The following CSNK1G3 variants were observed in gnomAD, a reference collection of about 807,000 sequenced individuals.
CSNK1G3 encodes casein kinase 1 gamma 3.
A neutral mutation model predicts 64.3 loss-of-function variants in CSNK1G3; 23 were observed. The ratio of observed to expected loss-of-function variants is 0.36; its 90% confidence interval spans 0.26 to 0.51. The LOEUF (loss-of-function observed/expected upper bound fraction) is 0.51. CSNK1G3 is among the 20% of genes least tolerant of loss of function. The pLI is 0.96. For missense variants in CSNK1G3, 357 were observed against 510.5 expected (o/e 0.70, Z 2.90); for synonymous variants, 158 against 162.2 (o/e 0.97, Z 0.20).
intron 1 of CSNK1G3, among the ~76,000 whole-genome samples, chr5:123,516,707 A>C (rs1004824750): frequency 1.3e-5 from 2 of 152,200 alleles, no homozygotes; most frequent in Admixed American, 6.5e-5. Flanking sequence ...AATTTATTGA[A>C]AATTTATGAG....
rs138208754 is a variant in CSNK1G3, at chr5:123,587,384, AAT to A, written c.674-681_674-680del. 1.9e-3 allele frequency among the ~76,000 whole-genome samples: 285 copies of A among 152,330 alleles called. 1 individual carries two copies. The highest frequency in any genetic ancestry group is 2.6e-3 in the Non-Finnish European group (174 of 68,026). ...TTAACTTCAGTGACAGAAAAATTGAAATATCATTCAGTCAGCAAGTATTTATA... is the reference window on the plus strand; with the variant it reads ...TTAACTTCAGTGACAGAAAAATTGAAATCATTCAGTCAGCAAGTATTTATA... On this transcript the variant is annotated intron_variant, in intron 6 of 12. Coordinates refer to ENST00000345990, the Ensembl canonical transcript of CSNK1G3.
chr5:123,550,114 TAAA>T (rs1362230768), intron 2 of CSNK1G3, among the ~76,000 whole-genome samples: 4 of 152,184 alleles, frequency 2.6e-5, no homozygotes, highest in African/African-American at 9.7e-5. Flanking sequence ...GAAGCTATTA[TAAA>T]ACTTACCTGA....
intron 1 of CSNK1G3, among the ~76,000 whole-genome samples, chr5:123,517,921 T>G (rs1388419397): frequency 7.0e-6 from 1 of 142,884 alleles, no homozygotes; most frequent in Non-Finnish European, 1.5e-5. Context: ...TTTAATAACA[T>G]CCTCTTTAAG....
intron 4 of CSNK1G3, among the ~76,000 whole-genome samples, chr5:123,570,250 A>C (rs952808992): frequency 2.0e-5 from 3 of 152,076 alleles, no homozygotes; most frequent in Admixed American, 2.0e-4. Flanking sequence ...ACATACTGCT[A>C]TCTATCTTAT....
At chr5:123,566,564 A>G (rs1356355563) in intron 4 of CSNK1G3, among the ~76,000 whole-genome samples, 8 of 152,002 alleles carry the variant, frequency 5.3e-5, no homozygotes, top group Admixed American at 5.2e-4. Flanking sequence ...GACCTAACCT[A>G]CCATTTACGT....
chr5:123,557,404 A>C, intron 3 of CSNK1G3, 91 bp from the exon 4 acceptor site: 1 of 802,148 alleles, frequency 1.2e-6, no homozygotes, highest in South Asian at 1.6e-5. Context: ...TACATAATAT[A>C]GGCATTGACA....
rs1360887530 is a variant in CSNK1G3 at position 123,540,658 on chromosome 5, T to A, written c.-247-4759T>A. On this transcript the variant is annotated intron_variant, in intron 1 of 12. Coordinates refer to ENST00000345990, the Ensembl canonical transcript of CSNK1G3. ...ATTATTTTTTATTTTTTTGAGACAG[T>A]GTCTTGCTCTGCTGCCCAGGCTGCA... 3.3e-5 allele frequency among the ~76,000 whole-genome samples: 5 copies of A among 152,262 alleles called. No homozygotes were observed. The East Asian group carries it at 7.7e-4, about 23-fold the overall frequency.
At chr5:123,572,515 G>T (rs572055608) in intron 4 of CSNK1G3, among the ~76,000 whole-genome samples, 1 of 152,250 alleles carries the variant, frequency 6.6e-6, no homozygotes, top group South Asian at 2.1e-4. Context: ...TGGCTTTGCT[G>T]GGTCTTCTGT....
intron 2 of CSNK1G3, among the ~76,000 whole-genome samples, chr5:123,549,259 ATAGC>A (rs1783178034): frequency 6.6e-6 from 1 of 152,226 alleles, no homozygotes; most frequent in Admixed American, 6.5e-5. Flanking sequence ...AAGACCAAAC[ATAGC>A]TAGCTAAAAT....
intron 12 of CSNK1G3, among the ~76,000 whole-genome samples, chr5:123,609,041 G>C (rs1169005907): frequency 6.6e-6 from 1 of 152,180 alleles, no homozygotes; most frequent in East Asian, 1.9e-4. Flanking sequence ...GAAGGAGTCA[G>C]AGAGAAGAGG....
chr5:123,547,254 G>T (rs1253548894), intron 2 of CSNK1G3, among the ~76,000 whole-genome samples: 1 of 151,976 alleles, frequency 6.6e-6, no homozygotes, highest in Non-Finnish European at 1.5e-5. Context: ...CACTTCCTAG[G>T]TTATTGTGAG....
At chr5:123,595,446 A>AT (rs1344177593) in intron 10 of CSNK1G3, among the ~76,000 whole-genome samples, 1 of 152,178 alleles carries the variant, frequency 6.6e-6, no homozygotes, top group Non-Finnish European at 1.5e-5. Flanking sequence ...CTTTCCAATA[A>AT]TAAGATCAGT....
At chr5:123,552,935 A>T (rs538967546) in intron 2 of CSNK1G3, 172 bp from the exon 3 acceptor site, 5 of 403,694 alleles carry the variant, frequency 1.2e-5, no homozygotes, top group South Asian at 5.2e-5. Context: ...TACTAAATAC[A>T]TCGAGTTGAT....
intron 6 of CSNK1G3, among the ~76,000 whole-genome samples, chr5:123,577,646 T>A (rs1789438786): frequency 6.6e-6 from 1 of 152,008 alleles, no homozygotes. Flanking sequence ...AGTTTCAGAT[T>A]GCCAAATGAT....
chr5:123,568,148 C>T (rs116384355), intron 4 of CSNK1G3, among the ~76,000 whole-genome samples: 1 of 152,266 alleles, frequency 6.6e-6, no homozygotes, highest in Non-Finnish European at 1.5e-5. Context: ...GAATTGGATC[C>T]TTTCTGTTGA....
intron 12 of CSNK1G3, among the ~76,000 whole-genome samples, chr5:123,605,764 T>C (rs1795261502): frequency 1.3e-5 from 2 of 152,130 alleles, no homozygotes; most frequent in South Asian, 4.1e-4. Flanking sequence ...CCCACAGTAG[T>C]ATCACTAAAA....
At chr5:123,560,314 T>A (rs1785430434) in intron 4 of CSNK1G3, among the ~76,000 whole-genome samples, 1 of 152,190 alleles carries the variant, frequency 6.6e-6, no homozygotes, top group African/African-American at 2.4e-5. Context: ...GTATGTTGAT[T>A]CTTCAGAAAA....
intron 2 of CSNK1G3, among the ~76,000 whole-genome samples, chr5:123,550,114 T>C (rs1049024412): frequency 2.0e-5 from 3 of 152,184 alleles, no homozygotes; most frequent in African/African-American, 4.8e-5. Context: ...GAAGCTATTA[T>C]AAAACTTACC....
intron 1 of CSNK1G3, among the ~76,000 whole-genome samples, chr5:123,514,544 C>G (rs1776801894): frequency 6.6e-6 from 1 of 152,098 alleles, no homozygotes. Context: ...CAGACATACA[C>G]AGAGGTAATT....
Sources: allele counts gnomAD v4.1 joint callset (sites outside exome capture counted in the v4.1 genomes callset), GRCh38; gene constraint gnomAD v4.1.1; transcripts MANE v1.5; gene names NCBI Gene and HGNC (gene_info 2026-07-23, HGNC 2026-07-21).